Variants in MMP16 observed in about 807,000 individuals in gnomAD.
The protein encoded by MMP16 is matrix metalloproteinase-16.
In MMP16, 12 loss-of-function variants were observed where a neutral mutation model predicts 67.8. That is an observed-to-expected ratio of 0.18 (90% CI 0.11 to 0.29). The LOEUF (loss-of-function observed/expected upper bound fraction) is 0.29, where lower values mean the gene tolerates loss of function less well. MMP16 is among the 10% of genes least tolerant of loss of function. The pLI is 1.00. For missense variants in MMP16, 475 were observed against 765.7 expected, an observed-to-expected ratio of 0.62 and a Z score of 4.48; for synonymous variants, 249 against 255.9, an observed-to-expected ratio of 0.97 and a Z score of 0.26.
chr8:88,272,723 G>A (rs1380592402), intron 1 of MMP16, among the ~76,000 whole-genome samples: 1 of 152,190 alleles, frequency 6.6e-6, no homozygotes, highest in Non-Finnish European at 1.5e-5. Flanking sequence ...AAGGTTGGCA[G>A]GAGAGGAATT....
Position 88,186,602 on chromosome 8 carries a change from C to CA in MMP16, c.282-5dup, listed in dbSNP as rs4043665. On this transcript the variant is annotated splice_region_variant and splice_polypyrimidine_tract_variant and intron_variant, in intron 2 of 9. Transcript: ENST00000286614. Reference sequence around the variant, plus strand: ...GCATCGGGGCTTCTTCATCCAGCTGCAAAAAAAAAAAAAAAAAAAAAAAAG... The same window carrying CA: ...GCATCGGGGCTTCTTCATCCAGCTGCAAAAAAAAAAAAAAAAAAAAAAAAAG... The CA allele has an allele frequency of 0.046, 52,767 of 1,141,408 alleles. 546 individuals carry two copies. Among genetic ancestry groups the CA allele is most frequent in the African/African-American group, 0.065 (2,676 of 40,942 alleles). The allele number at this position is 1,141,408 out of a possible 1,614,324, so 70.7% of individuals were successfully genotyped here.
Position 88,327,263 on chromosome 8 carries a change from T to A in MMP16, c.-57A>T, listed in dbSNP as rs1209647474. On this transcript the variant is annotated 5_prime_UTR_variant, in exon 1 of 10. Coordinates refer to ENST00000286614, the MANE Select transcript of MMP16 (RefSeq NM_005941.5). ...CCCCTTCGTTTTCTCCCTCTCTCCC[T>A]CTCCCTCCCTCCCTCGTTTCCTTTC... 8.1e-6 allele frequency: 13 copies of A among 1,604,302 alleles called. No homozygotes were observed. In the Admixed American group the frequency reaches 2.0e-4, roughly 25 times the overall value.
At chr8:88,107,091 A>AT (rs1020977290) in intron 6 of MMP16, among the ~76,000 whole-genome samples, 41 of 151,182 alleles carry the variant, frequency 2.7e-4, no homozygotes, top group African/African-American at 9.7e-4. Flanking sequence ...ATTTACTTAG[A>AT]TTTTTTTCCC....
intron 2 of MMP16, 72 bp downstream of exon 2, chr8:88,197,086 A>G: frequency 6.9e-7 from 1 of 1,446,354 alleles, no homozygotes; most frequent in Non-Finnish European, 9.4e-7. Context: ...GGTGGAGTTC[A>G]TATAAAGTTT....
chr8:88,196,851 C>A (rs999387243), intron 2 of MMP16, among the ~76,000 whole-genome samples: 7 of 152,102 alleles, frequency 4.6e-5, no homozygotes, highest in Non-Finnish European at 8.8e-5. Context: ...TCACACAACC[C>A]ACCTCTGTTG....
intron 1 of MMP16, among the ~76,000 whole-genome samples, chr8:88,245,085 TC>T (rs1035833449): frequency 2.0e-5 from 3 of 152,162 alleles, no homozygotes; most frequent in African/African-American, 7.2e-5. Context: ...CTCTATTCCT[TC>T]TTTGCCATGT....
chr8:88,230,346 C>T (rs1373728086), intron 1 of MMP16, among the ~76,000 whole-genome samples: 4 of 151,956 alleles, frequency 2.6e-5, no homozygotes, highest in African/African-American at 4.8e-5. Context: ...CAAAATATAG[C>T]GAAAACCTAA....
intron 4 of MMP16, among the ~76,000 whole-genome samples, chr8:88,156,963 A>G (rs915222843): frequency 7.9e-5 from 12 of 152,152 alleles, no homozygotes; most frequent in African/African-American, 2.9e-4. Context: ...AAATCCAAGT[A>G]GTACTGATTT....
At chr8:88,325,858 C>T (rs894897836) in intron 1 of MMP16, among the ~76,000 whole-genome samples, 2 of 151,962 alleles carry the variant, frequency 1.3e-5, no homozygotes, top group East Asian at 3.9e-4. Flanking sequence ...TACATGAAGT[C>T]CTAAGAACAG....
At chr8:88,231,567 G>A (rs1809859426) in intron 1 of MMP16, among the ~76,000 whole-genome samples, 2 of 152,174 alleles carry the variant, frequency 1.3e-5, no homozygotes, top group African/African-American at 2.4e-5. Flanking sequence ...TCACATCTAA[G>A]CCATGAAACT....
chr8:88,060,805 A>G (rs1003992737), intron 7 of MMP16, among the ~76,000 whole-genome samples: 1 of 152,076 alleles, frequency 6.6e-6, no homozygotes, highest in African/African-American at 2.4e-5. Flanking sequence ...GTGTTTGGAA[A>G]GTAGGTGCTT....
At chr8:88,263,318 T>C (rs1043430399) in intron 1 of MMP16, among the ~76,000 whole-genome samples, 2 of 152,162 alleles carry the variant, frequency 1.3e-5, no homozygotes, top group African/African-American at 4.8e-5. Context: ...AAGCCACTTA[T>C]CCTCTCAAAT....
chr8:88,273,458 T>C lies in MMP16; in HGVS notation c.132+53617A>G, dbSNP rs543768743. ...TCCGACTTGACCCAGGAACATGCCA[T>C]TTCACTCTGGTTAATCTTGCACAGA... is the stretch of plus-strand genomic sequence containing the variant. On this transcript the variant is annotated intron_variant, in intron 1 of 9. Coordinates refer to ENST00000286614, the MANE Select transcript of MMP16 (RefSeq NM_005941.5). Among the ~76,000 whole-genome samples, 26 of 152,200 alleles carry C rather than the reference T, an allele frequency of 1.7e-4. 1 individual carries two copies. In the South Asian group the frequency reaches 5.4e-3, roughly 32 times the overall value.
At chr8:88,269,956 G>T (rs529511002) in intron 1 of MMP16, among the ~76,000 whole-genome samples, 2 of 152,250 alleles carry the variant, frequency 1.3e-5, no homozygotes, top group Admixed American at 1.3e-4. Flanking sequence ...GGCATAAAAA[G>T]TATTTACCTT....
chr8:88,236,810 G>A (rs550140804), intron 1 of MMP16, among the ~76,000 whole-genome samples: 1 of 92,898 alleles, frequency 1.1e-5, no homozygotes, highest in South Asian at 3.5e-4. Context: ...CTCACCTTGC[G>A]ATGACTCACT....
chr8:88,192,161 A>G (rs777072738), intron 2 of MMP16, among the ~76,000 whole-genome samples: 6 of 152,162 alleles, frequency 3.9e-5, no homozygotes, highest in Non-Finnish European at 8.8e-5. Flanking sequence ...AAAAATCCTT[A>G]GGTTTTATTT....
At chr8:88,135,901 C>T (rs1808111201) in intron 4 of MMP16, among the ~76,000 whole-genome samples, 1 of 151,802 alleles carries the variant, frequency 6.6e-6, no homozygotes, top group African/African-American at 2.4e-5. Context: ...GAAAAACCGA[C>T]TCAGTATTAA....
intron 4 of MMP16, among the ~76,000 whole-genome samples, chr8:88,152,664 AC>A (rs1264391379): frequency 4.0e-5 from 1 of 24,976 alleles, no homozygotes; most frequent in Admixed American, 5.0e-4. Context: ...AAATTCAACA[AC>A]CCTTCATGCT....
chr8:88,103,281 C>G (rs578121263), intron 6 of MMP16, among the ~76,000 whole-genome samples: 140 of 151,928 alleles, frequency 9.2e-4, no homozygotes, highest in African/African-American at 3.0e-3. Flanking sequence ...CAGAACATAA[C>G]AATGCATTGT....
Sources: allele counts gnomAD v4.1 joint callset (sites outside exome capture counted in the v4.1 genomes callset), GRCh38; gene constraint gnomAD v4.1.1; transcripts MANE v1.5; gene names NCBI Gene and HGNC (gene_info 2026-07-23, HGNC 2026-07-21).